DLGAP2: variants seen among roughly 807,000 people sequenced by gnomAD.
DLGAP2 encodes DLG associated protein 2.
Under a neutral mutation model 100.3 loss-of-function variants are expected in DLGAP2, and 26 were observed. The observed-to-expected ratio is 0.26, with a 90% CI of 0.19 to 0.36. DLGAP2 has a LOEUF of 0.36. Among genes scored for constraint, DLGAP2 ranks in the 10% least tolerant of loss-of-function variants. DLGAP2 has a pLI of 1.00. For missense variants in DLGAP2, 1,858 were observed against 1,453.2 expected (o/e 1.28, Z -4.53); for synonymous variants, 886 against 630.1 (o/e 1.41, Z -6.08).
chr8:1,656,863 A>G (rs1798297109), intron 8 of DLGAP2, among the ~76,000 whole-genome samples: 2 of 152,116 alleles, frequency 1.3e-5, no homozygotes, highest in Admixed American at 6.6e-5. Context: ...TCTGATCACA[A>G]CCCCATTATT....
At chr8:1,632,418 G>A (rs1043970978) in intron 7 of DLGAP2, among the ~76,000 whole-genome samples, 3 of 152,322 alleles carry the variant, frequency 2.0e-5, no homozygotes, top group South Asian at 2.1e-4. Context: ...AGTGCCTGGA[G>A]CCATCGTGCC....
At chr8:823,873 G>A (rs574582509) in intron 1 of DLGAP2, among the ~76,000 whole-genome samples, 25 of 152,132 alleles carry the variant, frequency 1.6e-4, no homozygotes, top group East Asian at 1.9e-4. Context: ...CTGTCCTCTC[G>A]TTCTCTTGTT....
chr8:855,530 G>A (rs968412891), intron 1 of DLGAP2, among the ~76,000 whole-genome samples: 3 of 152,180 alleles, frequency 2.0e-5, no homozygotes, highest in South Asian at 2.1e-4. Context: ...ACAGCACCAC[G>A]TGTCACACAG....
chr8:1,227,415 C>CA (rs1194584190), intron 2 of DLGAP2, among the ~76,000 whole-genome samples: 23 of 151,126 alleles, frequency 1.5e-4, no homozygotes, highest in Admixed American at 1.5e-3. Context: ...TTTCTCCGTA[C>CA]ATTTACTTTG....
At chr8:1,580,188 A>G (rs145433758) in intron 6 of DLGAP2, among the ~76,000 whole-genome samples, 23 of 152,246 alleles carry the variant, frequency 1.5e-4, no homozygotes, top group African/African-American at 5.5e-4. Flanking sequence ...GTTCCTTCAA[A>G]CTCTCAGAGA....
chr8:1,582,350 C>A (rs1252054088), intron 6 of DLGAP2, among the ~76,000 whole-genome samples: 4 of 150,936 alleles, frequency 2.7e-5, no homozygotes, highest in African/African-American at 4.9e-5. Flanking sequence ...AATTATAGAC[C>A]ATTATGTACA....
At chr8:1,222,383 C>G (rs185258877) in intron 2 of DLGAP2, among the ~76,000 whole-genome samples, 23 of 152,320 alleles carry the variant, frequency 1.5e-4, no homozygotes, top group Middle Eastern at 6.8e-3. Context: ...GCTGCATGCT[C>G]TAACCCTGGG....
At chr8:973,967 C>G (rs983646698) in intron 2 of DLGAP2, among the ~76,000 whole-genome samples, 17 of 151,636 alleles carry the variant, frequency 1.1e-4, no homozygotes, top group African/African-American at 3.1e-4. Flanking sequence ...GACCGGGCCA[C>G]TCGGTCGCCA....
intron 1 of DLGAP2, among the ~76,000 whole-genome samples, chr8:888,517 A>C (rs933120217): frequency 7.4e-5 from 11 of 149,160 alleles, no homozygotes; most frequent in African/African-American, 2.5e-4. Flanking sequence ...GAGTTTGTCT[A>C]ATTTTGGTCT....
chr8:943,434 G>A (rs568793992), intron 2 of DLGAP2, among the ~76,000 whole-genome samples: 3 of 152,388 alleles, frequency 2.0e-5, no homozygotes, highest in South Asian at 2.1e-4. Context: ...CGTGTCTGGT[G>A]GCTGCTCTGT....
Position 1,622,686 on chromosome 8 carries a change from A to C in DLGAP2, c.1443-4054A>C, listed in dbSNP as rs201174150. 6.1e-3 allele frequency among the ~76,000 whole-genome samples: 928 copies of C among 152,342 alleles called. 8 individuals are homozygous for C. Among genetic ancestry groups the C allele is most frequent in the Non-Finnish European group, 0.011 (749 of 68,036 alleles). ...TCTGAAAGGCAAAACTAGAACAAAA[A>C]CATTTCTGTGTTATTCTAGAAAACT... On this transcript the variant is annotated intron_variant, in intron 6 of 14. Transcript: ENST00000637795.
chr8:1,496,289 G>A (rs1799544069), intron 3 of DLGAP2, among the ~76,000 whole-genome samples: 1 of 152,092 alleles, frequency 6.6e-6, no homozygotes, highest in Non-Finnish European at 1.5e-5. Flanking sequence ...GTCGGTGGAA[G>A]CATCACAGGG....
chr8:1,464,221 GCTCCCTTCCAGGACGA>G (rs1798545162), intron 3 of DLGAP2, among the ~76,000 whole-genome samples: 1 of 150,416 alleles, frequency 6.6e-6, no homozygotes, highest in South Asian at 2.1e-4. Flanking sequence ...TTCCAGGACG[GCTCCCTTCCAGGACGA>G]CACCCTTCCA....
chr8:1,339,885 C>T (rs541469127), intron 3 of DLGAP2, among the ~76,000 whole-genome samples: 12 of 152,290 alleles, frequency 7.9e-5, no homozygotes, highest in African/African-American at 2.6e-4. Context: ...CTCTGGGATC[C>T]TGTGATTCAA....
intron 3 of DLGAP2, among the ~76,000 whole-genome samples, chr8:1,305,240 G>C (rs896687874): frequency 1.3e-5 from 2 of 152,218 alleles, no homozygotes; most frequent in Non-Finnish European, 2.9e-5. Context: ...CAATGTTAGG[G>C]AGTTGTGAAA....
intron 1 of DLGAP2, among the ~76,000 whole-genome samples, chr8:854,885 G>C (rs10503149): frequency 0.11 from 16,606 of 152,266 alleles, 1,394 homozygotes; most frequent in Admixed American, 0.27. Context: ...CAGGTATCAG[G>C]AAACAGTAGT....
chr8:1,436,461 T>C (rs1797632697), intron 3 of DLGAP2, among the ~76,000 whole-genome samples: 1 of 151,966 alleles, frequency 6.6e-6, no homozygotes, highest in Admixed American at 6.6e-5. Context: ...AGACTGAGGG[T>C]GGGTCTGCCT....
At chr8:1,025,448 G>C (rs1324764969) in intron 2 of DLGAP2, among the ~76,000 whole-genome samples, 3 of 152,110 alleles carry the variant, frequency 2.0e-5, no homozygotes, top group Non-Finnish European at 2.9e-5. Context: ...TTTTCTGGTT[G>C]GAAAAGATAT....
intron 3 of DLGAP2, among the ~76,000 whole-genome samples, chr8:1,446,167 A>G (rs986579479): frequency 6.5e-4 from 99 of 152,156 alleles, no homozygotes; most frequent in Middle Eastern, 3.4e-3. Flanking sequence ...GTCCTTGCCC[A>G]TGCCTATGTC....
Sources: gnomAD v4.1 joint callset for allele counts (sites outside exome capture counted in the v4.1 genomes callset) on GRCh38, gnomAD v4.1.1 for gene constraint, MANE v1.5 for transcripts, NCBI Gene and HGNC (gene_info 2026-07-23, HGNC 2026-07-21) for gene names.